Variants in PCDH9 observed in about 807,000 individuals in gnomAD.
PCDH9 encodes the protein protocadherin 9, also known as protocadherin-9.
In PCDH9, 24 loss-of-function variants were observed where a neutral mutation model predicts 70.6. The observed-to-expected ratio is 0.34, with a 90% CI of 0.25 to 0.48. The LOEUF (loss-of-function observed/expected upper bound fraction) is 0.48. Among genes scored for constraint, PCDH9 ranks in the 20% least tolerant of loss-of-function variants. PCDH9 has a pLI of 0.99. For missense variants in PCDH9, 1,281 were observed against 1,503.6 expected, an observed-to-expected ratio of 0.85 and a Z score of 2.45; for synonymous variants, 562 against 558.5, an observed-to-expected ratio of 1.01 and a Z score of -0.09.
rs118154255 is a variant in PCDH9, at chr13:66,391,052, A to G, written c.3341-86024T>C. ...TCAAATGACAGCTTTAAGTTTCACT[A>G]AGAGCATTAGTGGAAAACAGCATGT... On this transcript the variant is annotated intron_variant, in intron 4 of 4. Coordinates refer to ENST00000377865, the MANE Select transcript of PCDH9 (RefSeq NM_203487.3). Among the ~76,000 whole-genome samples, 759 of 152,302 alleles carry G rather than the reference A, an allele frequency of 5.0e-3. 2 individuals carry two copies. The highest frequency in any genetic ancestry group is 7.4e-3 in the Non-Finnish European group (504 of 68,022).
At chr13:66,316,936 TG>T (rs1955663876) in intron 4 of PCDH9, among the ~76,000 whole-genome samples, 1 of 152,108 alleles carries the variant, frequency 6.6e-6, no homozygotes, top group African/African-American at 2.4e-5. Flanking sequence ...TTGGTCAGAC[TG>T]GCTTTGACCT....
chr13:66,893,406 G>C (rs1015131067), intron 3 of PCDH9, among the ~76,000 whole-genome samples: 2 of 152,154 alleles, frequency 1.3e-5, no homozygotes, highest in Non-Finnish European at 2.9e-5. Flanking sequence ...TAAGAGCACA[G>C]CTTATCTGGG....
At chr13:67,020,616 A>G (rs894026276) in intron 2 of PCDH9, among the ~76,000 whole-genome samples, 1 of 152,228 alleles carries the variant, frequency 6.6e-6, no homozygotes, top group Non-Finnish European at 1.5e-5. Context: ...ACAGTAAAAC[A>G]TATAGCTGGC....
At chr13:67,135,724 A>T (rs2087217767) in intron 2 of PCDH9, among the ~76,000 whole-genome samples, 1 of 152,158 alleles carries the variant, frequency 6.6e-6, no homozygotes, top group African/African-American at 2.4e-5. Context: ...ATTAAAAACA[A>T]AAAAGCACTT....
At chr13:67,175,270 A>G (rs1431319553) in intron 2 of PCDH9, among the ~76,000 whole-genome samples, 1 of 152,228 alleles carries the variant, frequency 6.6e-6, no homozygotes, top group Non-Finnish European at 1.5e-5. Context: ...TGTCGTAGGA[A>G]AGTAATTTTT....
chr13:66,846,543 T>C (rs532775400), intron 3 of PCDH9, among the ~76,000 whole-genome samples: 1 of 152,290 alleles, frequency 6.6e-6, no homozygotes, highest in East Asian at 1.9e-4. Flanking sequence ...ATGATTCATA[T>C]TGTTTGTCTT....
chr13:66,900,388 A>C (rs1246012902), intron 3 of PCDH9, among the ~76,000 whole-genome samples: 1 of 151,910 alleles, frequency 6.6e-6, no homozygotes, highest in Non-Finnish European at 1.5e-5. Flanking sequence ...GCATGTATTA[A>C]AACAGGACAA....
chr13:66,637,012 C>A (rs1470287855), intron 3 of PCDH9, among the ~76,000 whole-genome samples: 1 of 151,970 alleles, frequency 6.6e-6, no homozygotes, highest in East Asian at 1.9e-4. Flanking sequence ...ACACATATTT[C>A]TTATAATATT....
chr13:66,339,203 A>G (rs1372103029), intron 4 of PCDH9, among the ~76,000 whole-genome samples: 2 of 152,042 alleles, frequency 1.3e-5, no homozygotes, highest in Non-Finnish European at 2.9e-5. Flanking sequence ...TAAGGTATTC[A>G]TTTTTATTGT....
intron 3 of PCDH9, among the ~76,000 whole-genome samples, chr13:66,829,339 A>G (rs1029110420): frequency 2.0e-5 from 3 of 152,110 alleles, no homozygotes; most frequent in African/African-American, 7.2e-5. Flanking sequence ...AAAAAGCAGA[A>G]CCAAAAGATT....
intron 3 of PCDH9, among the ~76,000 whole-genome samples, chr13:66,699,793 T>G (rs903000885): frequency 1.3e-5 from 2 of 152,244 alleles, no homozygotes; most frequent in African/African-American, 4.8e-5. Context: ...CCCACAACAT[T>G]ACTACCAAAG....
intron 4 of PCDH9, among the ~76,000 whole-genome samples, chr13:66,359,735 C>A (rs745481554): frequency 6.6e-6 from 1 of 151,884 alleles, no homozygotes; most frequent in African/African-American, 2.4e-5. Flanking sequence ...AACAGGAAGG[C>A]CTGAATTAAA....
At chr13:67,007,259 C>T (rs1278572105) in intron 2 of PCDH9, among the ~76,000 whole-genome samples, 3 of 150,950 alleles carry the variant, frequency 2.0e-5, no homozygotes, top group Middle Eastern at 3.4e-3. Context: ...TGTACAGCCA[C>T]CAAAAAAATT....
At chr13:66,711,915 T>C (rs541359461) in intron 3 of PCDH9, among the ~76,000 whole-genome samples, 1 of 152,284 alleles carries the variant, frequency 6.6e-6, no homozygotes, top group South Asian at 2.1e-4. Context: ...ACAGCAACTT[T>C]AGCTTTACTT....
intron 3 of PCDH9, among the ~76,000 whole-genome samples, chr13:66,747,864 G>A (rs1214588973): frequency 6.6e-6 from 1 of 152,072 alleles, no homozygotes; most frequent in Non-Finnish European, 1.5e-5. Context: ...TAATTGTGGT[G>A]TCTAACCTCT....
chr13:67,189,724 A>G (rs1182968813), intron 2 of PCDH9, among the ~76,000 whole-genome samples: 2 of 152,202 alleles, frequency 1.3e-5, no homozygotes, highest in East Asian at 3.9e-4. Flanking sequence ...AGCAATAACG[A>G]GGCAGTACTG....
chr13:66,726,603 CT>C (rs1211408553), intron 3 of PCDH9, among the ~76,000 whole-genome samples: 1 of 152,090 alleles, frequency 6.6e-6, no homozygotes, highest in Non-Finnish European at 1.5e-5. Flanking sequence ...GGTGGGATTT[CT>C]GCTCCACTTA....
intron 4 of PCDH9, among the ~76,000 whole-genome samples, chr13:66,437,920 T>C (rs1957903244): frequency 6.6e-6 from 1 of 152,136 alleles, no homozygotes; most frequent in South Asian, 2.1e-4. Flanking sequence ...GTGCTGTTTC[T>C]ATGGTTGTTT....
intron 4 of PCDH9, among the ~76,000 whole-genome samples, chr13:66,472,331 A>G (rs1958635812): frequency 6.6e-6 from 1 of 152,092 alleles, no homozygotes; most frequent in Non-Finnish European, 1.5e-5. Context: ...GAACTTTGGG[A>G]GGCTGAGGTG....
Sources: allele counts gnomAD v4.1 joint callset (sites outside exome capture counted in the v4.1 genomes callset), GRCh38; gene constraint gnomAD v4.1.1; transcripts MANE v1.5; gene names NCBI Gene and HGNC (gene_info 2026-07-23, HGNC 2026-07-21).